The following PRRC2C variants were observed in gnomAD, a reference collection of about 807,000 sequenced individuals.
PRRC2C encodes the protein protein PRRC2C.
A neutral mutation model predicts 317.2 loss-of-function variants in PRRC2C; 72 were observed. That is an observed-to-expected ratio of 0.23 (90% CI 0.19 to 0.28). The LOEUF (loss-of-function observed/expected upper bound fraction) is 0.28. Ranked by LOEUF, PRRC2C falls within the 10% of genes least tolerant of loss-of-function variation. The pLI, the probability that PRRC2C is intolerant of heterozygous loss-of-function variation, is 1.00. For missense variants in PRRC2C, 3,074 were observed against 3,459.7 expected (o/e 0.89, Z 2.80); for synonymous variants, 1,296 against 1,205.9 (o/e 1.07, Z -1.55).
intron 17 of PRRC2C, among the ~76,000 whole-genome samples, chr1:171,549,652 C>A (rs926625156): frequency 6.6e-6 from 1 of 152,142 alleles, no homozygotes; most frequent in African/African-American, 2.4e-5. Flanking sequence ...ACTTCCACCT[C>A]CCAGGTTCAA....
chr1:171,571,334 C>A lies in PRRC2C; in HGVS notation c.6666C>A (p.Asn2222Lys), dbSNP rs757353707. ...DTLVNNVPLP[N>K]TLPLPKRETI... ...TACCTTTTCAGGTGCCCCTGCCCAA[C>A]ACCCTTCCCCTCCCTAAGAGGGAGA... Residue 2222 changes from asparagine (N) to lysine (K), a missense_variant, in exon 24 of 35, where the codon AAC becomes AAA. Physicochemically the swap from Asn to Lys is moderately conservative, Grantham distance 94. Around this residue, in one of 11 missense-constraint regions of PRRC2C, gnomAD observed 640 missense variants for 676.1 expected, o/e 0.95. Transcript: ENST00000647382. The A allele has an allele frequency of 1.2e-6, 2 of 1,609,118 alleles. No individual in the cohort carries two copies. Among genetic ancestry groups the A allele is most frequent in the African/African-American group, 2.7e-5 (2 of 74,950 alleles).
intron 24 of PRRC2C, among the ~76,000 whole-genome samples, chr1:171,573,769 C>G (rs1471360483): frequency 6.7e-6 from 1 of 149,700 alleles, no homozygotes; most frequent in Non-Finnish European, 1.5e-5. Flanking sequence ...ACCTCTGCCT[C>G]CCGGGTTCAC....
At chr1:171,575,178 T>G (rs779831195) in intron 25 of PRRC2C, 50 bp downstream of exon 25, 60 of 1,464,482 alleles carry the variant, frequency 4.1e-5, no homozygotes, top group Middle Eastern at 2.4e-4. Flanking sequence ...TATTTAAAAT[T>G]TTTTATGATC....
chr1:171,551,497 T>G (rs550356439), intron 18 of PRRC2C, among the ~76,000 whole-genome samples: 8 of 152,256 alleles, frequency 5.3e-5, no homozygotes, highest in Non-Finnish European at 1.0e-4. Flanking sequence ...TGGCTTTTGT[T>G]GCCATTGCTT....
At chr1:171,545,196 A>AT (rs1168990343) in intron 16 of PRRC2C, among the ~76,000 whole-genome samples, 5 of 152,208 alleles carry the variant, frequency 3.3e-5, no homozygotes, top group Non-Finnish European at 7.3e-5. Flanking sequence ...TAGCTCATTT[A>AT]TAATATGATA....
chr1:171,585,574 G>A lies in PRRC2C; in HGVS notation c.7749+1048G>A, dbSNP rs1254054280. 2.0e-5 allele frequency among the ~76,000 whole-genome samples: 3 copies of A among 152,166 alleles called. No individual in the cohort carries two copies. In the East Asian group the frequency reaches 5.8e-4, roughly 29 times the overall value. Reference sequence around the variant, plus strand: ...TTTATGTGAAAACTGAGAGATTCTTGTTCTTCTCATAGCTCATTTTGACCA... The same window carrying A: ...TTTATGTGAAAACTGAGAGATTCTTATTCTTCTCATAGCTCATTTTGACCA... On this transcript the variant is annotated intron_variant, in intron 30 of 34. Coordinates refer to ENST00000647382, the MANE Select transcript of PRRC2C (RefSeq NM_001387844.1).
rs1429084858 is a variant in PRRC2C, at chr1:171,541,714, C to T, written c.4248C>T (p.Asp1416=). ...KRPPKFERKF[D]PARERPRRQR... is the part of the protein sequence containing the mutation. Reference sequence around the variant, plus strand: ...CTCCAAAATTTGAGCGAAAATTTGACCCAGCTAGAGAAAGGCCTCGAAGGC... The same window carrying T: ...CTCCAAAATTTGAGCGAAAATTTGATCCAGCTAGAGAAAGGCCTCGAAGGC... Residue 1416 remains aspartate (D), a synonymous_variant, in exon 16 of 35, where the codon GAC becomes GAT. Transcript: ENST00000647382. The surrounding 1 kb of genome is among the most constrained non-coding windows in gnomAD (Gnocchi z 4.1). 1 of 1,613,842 alleles carries T rather than the reference C, an allele frequency of 6.2e-7. No homozygotes were observed. Among genetic ancestry groups the T allele is most frequent in the Admixed American group, 1.7e-5 (1 of 60,014 alleles).
At chr1:171,537,623 A>C (rs1213823097) in intron 15 of PRRC2C, 150 bp downstream of exon 15, 2 of 744,038 alleles carry the variant, frequency 2.7e-6, no homozygotes, top group African/African-American at 3.5e-5. Flanking sequence ...TACTCTTTGG[A>C]CATATTCTCT....
intron 24 of PRRC2C, among the ~76,000 whole-genome samples, chr1:171,573,480 A>G (rs1024600134): frequency 6.6e-6 from 1 of 152,146 alleles, no homozygotes; most frequent in Non-Finnish European, 1.5e-5. Flanking sequence ...CAAGACTTCT[A>G]TTTTAAAATA....
intron 24 of PRRC2C, among the ~76,000 whole-genome samples, chr1:171,574,606 C>T (rs768348894): frequency 6.6e-6 from 1 of 152,118 alleles, no homozygotes; most frequent in Non-Finnish European, 1.5e-5. Context: ...ATTTAAGAAG[C>T]ATTGGAGTAA....
chr1:171,514,201 TAA>T (rs1252811336), intron 3 of PRRC2C, among the ~76,000 whole-genome samples: 1 of 152,154 alleles, frequency 6.6e-6, no homozygotes, highest in Non-Finnish European at 1.5e-5. Flanking sequence ...TTTTTAATTA[TAA>T]GTGTTCACTT....
chr1:171,592,645 T>C lies in PRRC2C; in HGVS notation c.*798T>C, dbSNP rs551565694. On this transcript the variant is annotated 3_prime_UTR_variant, in exon 35 of 35. Transcript: ENST00000647382. ...CAGATTTGGTAAAATGCTGGTTAGG[T>C]TGAGTCTTCCTTGCCCCCACTCAGT... 1 of 152,292 alleles carries C rather than the reference T, an allele frequency of 6.6e-6. No homozygotes were observed. The highest frequency in any genetic ancestry group is 2.1e-4 in the South Asian group (1 of 4,824). The allele number at this position is 152,292 out of a possible 1,614,324, so 9.4% of individuals were successfully genotyped here.
intron 10 of PRRC2C, among the ~76,000 whole-genome samples, chr1:171,527,584 C>G (rs915347849): frequency 1.5e-4 from 23 of 151,994 alleles, no homozygotes; most frequent in African/African-American, 5.1e-4. Flanking sequence ...TGGCAAAACC[C>G]TGTCTCTACT....
rs972129296 is a variant in PRRC2C at position 171,566,230 on chromosome 1, T to C, written c.6118-3T>C. ...AGCAAGTTTTAAAATATTCTTTTACTAGGGAGCGAAGAATGGTCAAGAAAG... is the reference window on the plus strand; with the variant it reads ...AGCAAGTTTTAAAATATTCTTTTACCAGGGAGCGAAGAATGGTCAAGAAAG... On this transcript the variant is annotated splice_polypyrimidine_tract_variant and splice_region_variant and intron_variant, in intron 20 of 34. Coordinates refer to ENST00000647382, the MANE Select transcript of PRRC2C (RefSeq NM_001387844.1). The C allele has an allele frequency of 9.3e-6, 15 of 1,605,358 alleles. No homozygotes were observed. Among genetic ancestry groups the C allele is most frequent in the African/African-American group, 1.3e-5 (1 of 74,860 alleles).
intron 34 of PRRC2C, 21 bp downstream of exon 34, chr1:171,589,626 C>A: frequency 7.9e-7 from 1 of 1,270,276 alleles, no homozygotes. Context: ...TGTTAACAGC[C>A]AACAGATCAA....
chr1:171,553,154 A>C (rs1032208572), intron 18 of PRRC2C, among the ~76,000 whole-genome samples: 1 of 152,146 alleles, frequency 6.6e-6, no homozygotes, highest in Non-Finnish European at 1.5e-5. Flanking sequence ...TTACTGGTCT[A>C]TTCAGGGATT....
intron 3 of PRRC2C, among the ~76,000 whole-genome samples, chr1:171,514,261 T>C (rs1018133285): frequency 8.9e-4 from 101 of 113,984 alleles, no homozygotes; most frequent in Non-Finnish European, 1.6e-3. Flanking sequence ...AGTGTGTGTG[T>C]ATGTGTGTGT....
At chr1:171,578,632 C>T (rs1211910300) in intron 26 of PRRC2C, among the ~76,000 whole-genome samples, 1 of 152,218 alleles carries the variant, frequency 6.6e-6, no homozygotes, top group Non-Finnish European at 1.5e-5. Flanking sequence ...CTTTGGGAGG[C>T]TGAGGCGGGC....
At chr1:171,493,825 T>C (rs1667614791) in intron 1 of PRRC2C, among the ~76,000 whole-genome samples, 1 of 152,210 alleles carries the variant, frequency 6.6e-6, no homozygotes, top group Non-Finnish European at 1.5e-5. Flanking sequence ...GAAGAAATTA[T>C]CTATGCTTGG....
Sources: gnomAD v4.1 joint callset for allele counts (sites outside exome capture counted in the v4.1 genomes callset) on GRCh38, gnomAD v4.1.1 for gene constraint, gnomAD v4.1.1 regional missense constraint, Gnocchi (gnomAD v3.1) non-coding constraint, MANE v1.5 for transcripts, NCBI Gene and HGNC (gene_info 2026-07-23, HGNC 2026-07-21) for gene names.